Variants in ELN observed in about 807,000 individuals in gnomAD.
ELN encodes the protein elastin.
Under a neutral mutation model 105.8 loss-of-function variants are expected in ELN, and 65 were observed. That is an observed-to-expected ratio of 0.61 (90% CI 0.50 to 0.75). The LOEUF is 0.75. ELN is among the 30% of genes least tolerant of loss of function. The pLI is 0.00. For synonymous variants in ELN, 368 were observed against 389.2 expected, an observed-to-expected ratio of 0.95 and a Z score of 0.64; for missense variants, 882 against 969.4, an observed-to-expected ratio of 0.91 and a Z score of 1.20.
At chr7:74,049,914 CA>C (rs1793564336) in intron 15 of ELN, among the ~76,000 whole-genome samples, 1 of 14,530 alleles carries the variant, frequency 6.9e-5, no homozygotes, top group Non-Finnish European at 1.5e-4. Context: ...TCCATCCATA[CA>C]TCAATCCATA....
Position 74,035,412 on chromosome 7 carries a change from C to T in ELN, c.131C>T (p.Pro44Leu). 1 of 1,614,038 alleles carries T rather than the reference C, an allele frequency of 6.2e-7. No individual in the cohort carries two copies. The highest frequency in any genetic ancestry group is 8.5e-7 in the Non-Finnish European group (1 of 1,180,008). Residue 44 changes from proline (P) to leucine (L), a missense_variant and splice_region_variant, in exon 2 of 33, where the codon CCA becomes CTA. Coordinates refer to ENST00000252034, the MANE Select transcript of ELN (RefSeq NM_000501.4). Reference protein sequence around the residue: ...PGGVPGGVFYPGAGLGALGGG... With the variant: ...PGGVPGGVFYLGAGLGALGGG... ...GGAGTTCCTGGAGGAGTCTTTTATC[C>T]AGGTAACGTACATGAAACTTCCACA... is the stretch of plus-strand genomic sequence containing the variant.
chr7:74,056,165 C>A, intron 19 of ELN, 106 bp from the exon 20 acceptor site: 1 of 1,465,528 alleles, frequency 6.8e-7, no homozygotes, highest in Non-Finnish European at 9.6e-7. Flanking sequence ...ATGGACAAGG[C>A]CTGGGGGAAA....
intron 14 of ELN, 78 bp from the exon 15 acceptor site, chr7:74,048,425 T>G: frequency 6.2e-7 from 1 of 1,609,016 alleles, no homozygotes; most frequent in Admixed American, 1.7e-5. Context: ...ATTGGCTCTC[T>G]TGGGGCTGGG....
intron 23 of ELN, 32 bp from the exon 24 acceptor site, chr7:74,060,108 A>G (rs781884256): frequency 1.9e-6 from 3 of 1,614,040 alleles, no homozygotes; most frequent in Admixed American, 3.3e-5. Context: ...CCCCGCCTCC[A>G]TCTCTAATCC....
At position 74,059,955 on chromosome 7, in the gene ELN, T is replaced by C. The variant is rs1563852782; in HGVS notation, c.1484T>C (p.Val495Ala). 1 of 1,610,464 alleles carries C rather than the reference T, an allele frequency of 6.2e-7. No individual in the cohort carries two copies. Among genetic ancestry groups the C allele is most frequent in the Non-Finnish European group, 8.5e-7 (1 of 1,177,788 alleles). Residue 495 changes from valine (V) to alanine (A), a missense_variant, in exon 23 of 33, where the codon GTT becomes GCT. Val to Ala is a moderately conservative substitution (Grantham distance 64). Coordinates refer to ENST00000252034, the MANE Select transcript of ELN (RefSeq NM_000501.4). ...VAPGVGVAPG[V>A]GLAPGVGVAP... is the part of the protein sequence containing the mutation. Reference sequence around the variant, plus strand: ...CCTGGTGTCGGTGTGGCTCCTGGAGTTGGCTTGGCTCCTGGAGTTGGCGTG... The same window carrying C: ...CCTGGTGTCGGTGTGGCTCCTGGAGCTGGCTTGGCTCCTGGAGTTGGCGTG...
In ELN at chr7:74,069,892, A is replaced by G. The variant is rs1385121505; in HGVS notation, c.*1192A>G. On this transcript the variant is annotated 3_prime_UTR_variant, in exon 33 of 33. Transcript: ENST00000252034. The stretch of plus-strand genomic sequence containing the variant: ...GCTTCAGAAATGACTAATAAATGAA[A>G]AACCTTTAAAGGAAACTGTGTCTTA... The G allele has an allele frequency of 1.1e-5, 2 of 185,904 alleles. No homozygotes were observed. Among genetic ancestry groups the G allele is most frequent in the Non-Finnish European group, 2.3e-5 (2 of 87,928 alleles). The allele number at this position is 185,904 out of a possible 1,614,324, so 11.5% of individuals were successfully genotyped here. A position where few individuals can be genotyped will look rare whatever the true frequency, so the allele number is the denominator to read the frequency against.
intron 25 of ELN, 133 bp from the exon 26 acceptor site, chr7:74,060,968 C>A (rs1796517561): frequency 8.3e-6 from 9 of 1,084,518 alleles, no homozygotes; most frequent in Non-Finnish European, 1.1e-5. Context: ...AAGCTCTGTG[C>A]CTGTACAGCT....
In ELN at chr7:74,064,761, G is replaced by C. The variant is rs554053144; in HGVS notation, c.1994-933G>C. 2.8e-3 allele frequency among the ~76,000 whole-genome samples: 433 copies of C among 152,298 alleles called. 1 individual carries two copies. The highest frequency in any genetic ancestry group is 5.0e-3 in the Non-Finnish European group (341 of 68,020). ...AATTAGGAGAATGATGGTTATGCCA[G>C]TTCTCCAAGAAAGAAATCAAAGCTT... is the stretch of plus-strand genomic sequence containing the variant. On this transcript the variant is annotated intron_variant, in intron 29 of 32. Coordinates refer to ENST00000252034, the MANE Select transcript of ELN (RefSeq NM_000501.4).
chr7:74,059,791 T>G, intron 22 of ELN, 95 bp from the exon 23 acceptor site: 1 of 798,220 alleles, frequency 1.3e-6, no homozygotes, highest in Non-Finnish European at 2.3e-6. Flanking sequence ...ACACAGCAAA[T>G]CTATGCCAGG....
chr7:74,043,573 A>C (rs1563788348), intron 8 of ELN: 1 of 647,192 alleles, frequency 1.5e-6, no homozygotes, highest in Non-Finnish European at 2.8e-6. Flanking sequence ...CAGGTTAAAC[A>C]AAAGACTGCC....
chr7:74,057,414 G>A, intron 21 of ELN: 1 of 1,514,560 alleles, frequency 6.6e-7, no homozygotes. Context: ...GGGTGGGCTA[G>A]TGCCAGGTGC....
chr7:74,028,361 C>A, intron 1 of ELN, 92 bp downstream of exon 1: 1 of 1,432,072 alleles, frequency 7.0e-7, no homozygotes, highest in South Asian at 1.2e-5. Context: ...GACCTTCGTC[C>A]CTGGGAACTG....
At position 74,054,740 on chromosome 7, in the gene ELN, C is replaced by T; in HGVS notation, c.1121C>T (p.Ala374Val). Residue 374 changes from alanine to valine, a missense_variant, in exon 19 of 33, where the codon GCT becomes GTT. By Grantham distance (64) the Ala-to-Val change is moderately conservative (BLOSUM62 0). Coordinates refer to ENST00000252034, the MANE Select transcript of ELN (RefSeq NM_000501.4). ...GGGGTTGTGTCACCAGAAGCAGCTG[C>T]TAAGGCAGCTGCAAAGGCAGCCAAA... ...VPGVVSPEAA[A>V]KAAAKAAKYG... The T allele has an allele frequency of 6.2e-7, 1 of 1,614,154 alleles. No homozygotes were observed. The highest frequency in any genetic ancestry group is 8.5e-7 in the Non-Finnish European group (1 of 1,180,016).
intron 2 of ELN, among the ~76,000 whole-genome samples, chr7:74,036,242 C>T (rs1490638508): frequency 1.3e-5 from 2 of 151,512 alleles, no homozygotes; most frequent in African/African-American, 2.4e-5. Flanking sequence ...TACAGTGAGC[C>T]GAGATCGCGC....
At position 74,043,157 on chromosome 7, in the gene ELN, G is replaced by A. The variant is rs201885729; in HGVS notation, c.416G>A (p.Gly139Glu). 29 of 1,602,112 alleles carry A rather than the reference G, an allele frequency of 1.8e-5. No individual in the cohort carries two copies. Among genetic ancestry groups the A allele is most frequent in the East Asian group, 1.1e-4 (5 of 44,404 alleles). ...CAGCCTGGAGCCGGAGTGAAGCCTG[G>A]GAAAGTGCCGGGTCAGTGCGGAATC... ...VPQPGAGVKP[G>E]KVPGVGLPGV... The change falls in exon 8 of 33, where the codon GGG becomes GAG. Residue 139 changes from glycine to glutamate, a missense_variant. Transcript: ENST00000252034.
chr7:74,057,244 TAA>T, intron 21 of ELN: 3 of 665,100 alleles, frequency 4.5e-6, no homozygotes, highest in Non-Finnish European at 6.7e-6. Context: ...ACTCTAAAAA[TAA>T]AAAAAAAAGA....
chr7:74,045,127 A>G, intron 9 of ELN, 95 bp from the exon 10 acceptor site: 3 of 1,428,642 alleles, frequency 2.1e-6, no homozygotes, highest in Non-Finnish European at 2.0e-6. Context: ...AGTCAGTCCC[A>G]AGGGAGGTCA....
intron 22 of ELN, among the ~76,000 whole-genome samples, chr7:74,057,940 C>T (rs1245669013): frequency 6.6e-6 from 1 of 152,158 alleles, no homozygotes; most frequent in Non-Finnish European, 1.5e-5. Context: ...CCCCTGGTGC[C>T]TCCCAGGCTA....
At chr7:74,030,465 ATTTTTT>A (rs781804483) in intron 1 of ELN, among the ~76,000 whole-genome samples, 1 of 142,032 alleles carries the variant, frequency 7.0e-6, no homozygotes, top group African/African-American at 2.6e-5. Flanking sequence ...AGTATCAGGG[ATTTTTT>A]TTTTTTTTTT....
Sources: allele counts gnomAD v4.1 joint callset (sites outside exome capture counted in the v4.1 genomes callset), GRCh38; gene constraint gnomAD v4.1.1; transcripts MANE v1.5; gene names NCBI Gene and HGNC (gene_info 2026-07-23, HGNC 2026-07-21).